Variants in HPSE2 observed in about 807,000 individuals in gnomAD.
The protein encoded by HPSE2 is inactive heparanase-2.
A neutral mutation model predicts 60.5 loss-of-function variants in HPSE2; 38 were observed. The ratio of observed to expected loss-of-function variants is 0.63; its 90% CI spans 0.48 to 0.82. The LOEUF (loss-of-function observed/expected upper bound fraction) is 0.82. Among genes scored for constraint, HPSE2 ranks in the 40% least tolerant of loss-of-function variants. The probability of loss-of-function intolerance (pLI) is 0.00; values close to 1 mark genes in which losing one functional copy is unlikely to be tolerated. For synonymous variants in HPSE2, 295 were observed against 293.2 expected (o/e 1.01, Z -0.06); for missense variants, 713 against 740.4 (o/e 0.96, Z 0.43).
intron 3 of HPSE2, among the ~76,000 whole-genome samples, chr10:99,017,718 T>C (rs1338718488): frequency 6.6e-6 from 1 of 152,166 alleles, no homozygotes; most frequent in African/African-American, 2.4e-5. Flanking sequence ...TTACTTGACG[T>C]GGCTACCATT....
chr10:98,939,236 A>G lies in HPSE2; in HGVS notation c.611-195180T>C, dbSNP rs1255325976. ...ACAGGATAAATTCACACATAACAAT[A>G]TTAACTTTAATTGTAAATGGATTAA... On this transcript the variant is annotated intron_variant, in intron 3 of 11. Transcript: ENST00000370552. Among the ~76,000 whole-genome samples the G allele has an allele frequency of 1.4e-5, 2 of 143,928 alleles. 1 individual carries two copies. Among genetic ancestry groups the G allele is most frequent in the Non-Finnish European group, 3.0e-5 (2 of 67,234 alleles). The allele number at this position is 143,928 out of a possible 152,430, so 94.4% of individuals were successfully genotyped here. A position where few individuals can be genotyped will look rare whatever the true frequency, so the allele number is the denominator to read the frequency against.
At chr10:99,155,727 A>G (rs1312588092) in intron 2 of HPSE2, among the ~76,000 whole-genome samples, 1 of 150,244 alleles carries the variant, frequency 6.7e-6, no homozygotes, top group African/African-American at 2.4e-5. Flanking sequence ...TTCAAAAGCT[A>G]GCAGAAGGCA....
Position 99,005,239 on chromosome 10 carries a change from A to G in HPSE2, c.610+138999T>C, listed in dbSNP as rs1018243039. 3.7e-5 allele frequency among the ~76,000 whole-genome samples: 5 copies of G among 135,214 alleles called. No homozygotes were observed. In the Admixed American group the frequency reaches 3.9e-4, roughly 10 times the overall value. 88.7% of individuals were successfully genotyped at this position (135,214 alleles called of 152,430 possible). ...GTTTTCTGTTACTATTTCTTTCAGTAAGCTTTTTACCCCATTTGTCTTTCT... is the reference window on the plus strand; with the variant it reads ...GTTTTCTGTTACTATTTCTTTCAGTGAGCTTTTTACCCCATTTGTCTTTCT... On this transcript the variant is annotated intron_variant, in intron 3 of 11. Coordinates refer to ENST00000370552, the MANE Select transcript of HPSE2 (RefSeq NM_021828.5).
intron 3 of HPSE2, among the ~76,000 whole-genome samples, chr10:98,957,446 C>T (rs925174679): frequency 1.3e-5 from 2 of 152,066 alleles, no homozygotes; most frequent in Non-Finnish European, 2.9e-5. Context: ...AGCATGAAGT[C>T]AGAAGACTGG....
At chr10:98,761,258 G>C (rs374230721) in intron 3 of HPSE2, among the ~76,000 whole-genome samples, 12 of 152,052 alleles carry the variant, frequency 7.9e-5, no homozygotes, top group East Asian at 3.9e-4. Context: ...AAATGAAATA[G>C]ACATTAGAAA....
chr10:98,652,541 C>G (rs924735354), intron 6 of HPSE2, among the ~76,000 whole-genome samples: 1 of 152,202 alleles, frequency 6.6e-6, no homozygotes, highest in Non-Finnish European at 1.5e-5. Context: ...GTTTTTACCC[C>G]CTGCCCATTC....
chr10:99,159,220 A>G (rs1027347725), intron 2 of HPSE2, among the ~76,000 whole-genome samples: 1 of 152,182 alleles, frequency 6.6e-6, no homozygotes, highest in Admixed American at 6.5e-5. Context: ...CAAAATATTG[A>G]TTATTTGAAA....
chr10:99,188,777 A>G (rs1179541072), intron 2 of HPSE2, among the ~76,000 whole-genome samples: 1 of 152,224 alleles, frequency 6.6e-6, no homozygotes, highest in Admixed American at 6.5e-5. Context: ...TAATTTGTTT[A>G]AATATTTTTA....
At chr10:98,944,011 C>A (rs1485126021) in intron 3 of HPSE2, among the ~76,000 whole-genome samples, 2 of 152,144 alleles carry the variant, frequency 1.3e-5, no homozygotes, top group Non-Finnish European at 2.9e-5. Flanking sequence ...ATAAAACAAT[C>A]ATCTTTGACT....
chr10:98,835,564 A>G (rs570874945), intron 3 of HPSE2, among the ~76,000 whole-genome samples: 1 of 152,290 alleles, frequency 6.6e-6, no homozygotes, highest in East Asian at 1.9e-4. Context: ...CTGGTTATAA[A>G]GGTATTTACC....
At chr10:99,128,369 A>G (rs977432647) in intron 3 of HPSE2, among the ~76,000 whole-genome samples, 2 of 152,182 alleles carry the variant, frequency 1.3e-5, no homozygotes, top group African/African-American at 4.8e-5. Flanking sequence ...TTACAAAGAT[A>G]TATGTATGCA....
At chr10:99,033,060 A>T (rs1957532995) in intron 3 of HPSE2, among the ~76,000 whole-genome samples, 1 of 152,216 alleles carries the variant, frequency 6.6e-6, no homozygotes, top group Admixed American at 6.5e-5. Context: ...TAGGACATGG[A>T]TATTGGGAAT....
chr10:98,729,392 G>A (rs1052450800), intron 4 of HPSE2, among the ~76,000 whole-genome samples: 15 of 152,166 alleles, frequency 9.9e-5, no homozygotes, highest in Admixed American at 2.6e-4. Flanking sequence ...GGTAGGTCAC[G>A]CGGTCAGGAG....
chr10:99,302,342 C>A, the HPSE2 span, among the ~76,000 whole-genome samples: 1 of 144,736 alleles, frequency 6.9e-6, no homozygotes, highest in African/African-American at 2.4e-5. Context: ...TACAATATCA[C>A]TTTGAGATCC....
chr10:98,898,717 A>G (rs1012149690), intron 3 of HPSE2, among the ~76,000 whole-genome samples: 2 of 152,212 alleles, frequency 1.3e-5, no homozygotes, highest in African/African-American at 4.8e-5. Context: ...TATGCAAATT[A>G]TAGAAAACTA....
chr10:99,110,777 C>T (rs1844427434), intron 3 of HPSE2, among the ~76,000 whole-genome samples: 1 of 152,032 alleles, frequency 6.6e-6, no homozygotes, highest in Non-Finnish European at 1.5e-5. Flanking sequence ...AATTATTCTC[C>T]TGCCTTTGTT....
intron 3 of HPSE2, among the ~76,000 whole-genome samples, chr10:98,772,910 A>C (rs957198433): frequency 1.3e-5 from 2 of 152,222 alleles, no homozygotes; most frequent in Admixed American, 6.5e-5. Flanking sequence ...GTTTCTAGGA[A>C]AGGCAAGAAT....
chr10:99,296,468 AC>A, the HPSE2 span, among the ~76,000 whole-genome samples: 4 of 152,328 alleles, frequency 2.6e-5, no homozygotes, highest in Admixed American at 2.0e-4. Flanking sequence ...CCCTTAATCT[AC>A]ATGCAATTAA....
At chr10:98,777,209 A>G (rs983704894) in intron 3 of HPSE2, among the ~76,000 whole-genome samples, 18 of 152,170 alleles carry the variant, frequency 1.2e-4, no homozygotes, top group Admixed American at 3.3e-4. Context: ...TTAAATTACC[A>G]AAGCCATTTA....
Sources: allele counts gnomAD v4.1 joint callset (sites outside exome capture counted in the v4.1 genomes callset), GRCh38; gene constraint gnomAD v4.1.1; transcripts MANE v1.5; gene names NCBI Gene and HGNC (gene_info 2026-07-23, HGNC 2026-07-21).